AGMO: variants seen among roughly 807,000 people sequenced by gnomAD.
AGMO encodes alkylglycerol monooxygenase.
A neutral mutation model predicts 60.2 loss-of-function variants in AGMO; 75 were observed. That is an observed-to-expected ratio of 1.25 (90% CI 1.03 to 1.51). The LOEUF is 1.51. Ranked by LOEUF, AGMO falls within the 40% of genes most tolerant of loss-of-function variation. AGMO has a pLI of 0.00. For synonymous variants in AGMO, 261 were observed against 177.1 expected (o/e 1.47, Z -3.76); for missense variants, 763 against 525.5 (o/e 1.45, Z -4.42).
rs1335327915 is a variant in AGMO at position 15,293,395 on chromosome 7, C to T, written c.1263+72119G>A. On this transcript the variant is annotated intron_variant, in intron 12 of 12. Coordinates refer to ENST00000342526, the MANE Select transcript of AGMO (RefSeq NM_001004320.2). Reference sequence around the variant, plus strand: ...GATTTCAGCATATAACTAAACCGGGCGGGTTAGGTAAGGTGAATATGTGGG... The same window carrying T: ...GATTTCAGCATATAACTAAACCGGGTGGGTTAGGTAAGGTGAATATGTGGG... Among the ~76,000 whole-genome samples, 7 of 151,888 alleles carry T rather than the reference C, an allele frequency of 4.6e-5. 1 individual carries two copies. The highest frequency in any genetic ancestry group is 3.9e-4 in the Admixed American group (6 of 15,246).
At chr7:15,400,783 A>AGG (rs537004646) in intron 5 of AGMO, among the ~76,000 whole-genome samples, 1 of 152,228 alleles carries the variant, frequency 6.6e-6, no homozygotes. Flanking sequence ...CTGGATAATA[A>AGG]GGTGATTAAA....
At chr7:15,412,684 TAAAA>T (rs765917941) in intron 5 of AGMO, among the ~76,000 whole-genome samples, 2 of 111,372 alleles carry the variant, frequency 1.8e-5, no homozygotes, top group African/African-American at 7.1e-5. Context: ...TTTCATTATT[TAAAA>T]AAAAAAAAAA....
At chr7:15,238,604 A>G (rs1277497898) in intron 12 of AGMO, among the ~76,000 whole-genome samples, 1 of 151,566 alleles carries the variant, frequency 6.6e-6, no homozygotes, top group Non-Finnish European at 1.5e-5. Context: ...TTTATTAATA[A>G]TTTAAAGGCT....
At chr7:15,513,374 A>T (rs76905622) in intron 3 of AGMO, among the ~76,000 whole-genome samples, 1,888 of 152,208 alleles carry the variant, frequency 0.012, 39 homozygotes, top group African/African-American at 0.043. Flanking sequence ...TTGATTTACA[A>T]ACTCTCTGAG....
intron 4 of AGMO, among the ~76,000 whole-genome samples, chr7:15,425,042 T>C (rs997112162): frequency 6.6e-6 from 1 of 152,166 alleles, no homozygotes. Flanking sequence ...ATAAAAATAA[T>C]ATCACACATA....
At chr7:15,297,437 G>A (rs767935609) in intron 12 of AGMO, among the ~76,000 whole-genome samples, 1 of 152,060 alleles carries the variant, frequency 6.6e-6, no homozygotes, top group Non-Finnish European at 1.5e-5. Flanking sequence ...GGCTATAACT[G>A]TACACTGTGG....
Position 15,454,618 on chromosome 7 carries a change from G to A in AGMO, c.410-23510C>T, listed in dbSNP as rs1052726847. ...GTGTGTGTATGTGTGTGTAATTAAA[G>A]ATTATATGGAATATATAATAAAAAT... is the stretch of plus-strand genomic sequence containing the variant. On this transcript the variant is annotated intron_variant, in intron 3 of 12. Coordinates refer to ENST00000342526, the MANE Select transcript of AGMO (RefSeq NM_001004320.2). 2.5e-4 allele frequency among the ~76,000 whole-genome samples: 38 copies of A among 152,100 alleles called. 1 individual carries two copies. Among genetic ancestry groups the A allele is most frequent in the Admixed American group, 1.1e-3 (17 of 15,254 alleles).
chr7:15,184,363 G>A, the AGMO span, among the ~76,000 whole-genome samples: 334 of 5,372 alleles, frequency 0.062, 9 homozygotes, highest in African/African-American at 0.2. Flanking sequence ...GGGAGGGAAG[G>A]AAGGGAAGGA....
chr7:15,382,727 G>A (rs1783742452), intron 10 of AGMO, among the ~76,000 whole-genome samples: 1 of 152,086 alleles, frequency 6.6e-6, no homozygotes, highest in African/African-American at 2.4e-5. Flanking sequence ...GGAAACACTT[G>A]CCATATTCCG....
chr7:15,412,679 T>C (rs936209294), intron 5 of AGMO, among the ~76,000 whole-genome samples: 2 of 141,736 alleles, frequency 1.4e-5, no homozygotes, highest in African/African-American at 5.4e-5. Flanking sequence ...CAGCATTTCA[T>C]TATTTAAAAA....
At chr7:15,390,272 A>G (rs988617578) in intron 8 of AGMO, among the ~76,000 whole-genome samples, 21 of 152,200 alleles carry the variant, frequency 1.4e-4, no homozygotes, top group Admixed American at 3.3e-4. Flanking sequence ...CAGTAACACA[A>G]AGGCCTCACG....
chr7:15,213,029 A>T (rs1781639530), intron 12 of AGMO, among the ~76,000 whole-genome samples: 1 of 152,024 alleles, frequency 6.6e-6, no homozygotes, highest in African/African-American at 2.4e-5. Context: ...GGCATTGAAA[A>T]TGTATCATCG....
intron 12 of AGMO, among the ~76,000 whole-genome samples, chr7:15,213,024 T>TGA (rs1209200153): frequency 6.6e-6 from 1 of 152,016 alleles, no homozygotes; most frequent in African/African-American, 2.4e-5. Flanking sequence ...AACTTGGCAT[T>TGA]GAAAATGTAT....
At chr7:15,322,493 T>TAA (rs1781147568) in intron 12 of AGMO, among the ~76,000 whole-genome samples, 1 of 81,636 alleles carries the variant, frequency 1.2e-5, no homozygotes, top group Admixed American at 2.0e-4. Flanking sequence ...TATAAATATA[T>TAA]ATAAATATAT....
chr7:15,391,450 C>T (rs890190130), intron 6 of AGMO, among the ~76,000 whole-genome samples: 11 of 151,888 alleles, frequency 7.2e-5, no homozygotes, highest in Admixed American at 2.0e-4. Context: ...ATTTTTCCTG[C>T]CGCTAAATAA....
intron 3 of AGMO, among the ~76,000 whole-genome samples, chr7:15,433,914 G>A (rs1484142000): frequency 3.9e-5 from 6 of 151,998 alleles, no homozygotes; most frequent in African/African-American, 1.4e-4. Context: ...TATGTAATGT[G>A]TGTGTGGTCT....
chr7:15,269,617 A>T (rs925111948), intron 12 of AGMO, among the ~76,000 whole-genome samples: 12 of 152,082 alleles, frequency 7.9e-5, no homozygotes, highest in African/African-American at 1.7e-4. Context: ...TTTTTAATTT[A>T]ATTTTATTTT....
chr7:15,469,478 C>T (rs995784849), intron 3 of AGMO, among the ~76,000 whole-genome samples: 5 of 152,112 alleles, frequency 3.3e-5, no homozygotes, highest in Non-Finnish European at 7.4e-5. Flanking sequence ...GAGTCAGAGA[C>T]ACACATGGGC....
the AGMO span, among the ~76,000 whole-genome samples, chr7:15,120,832 T>C: frequency 2.0e-5 from 3 of 152,126 alleles, no homozygotes; most frequent in African/African-American, 7.2e-5. Context: ...TTATTTAGGT[T>C]TTGGGATACA....
Sources: allele counts gnomAD v4.1 joint callset (sites outside exome capture counted in the v4.1 genomes callset), GRCh38; gene constraint gnomAD v4.1.1; transcripts MANE v1.5; gene names NCBI Gene and HGNC (gene_info 2026-07-23, HGNC 2026-07-21).